DPF3: variants seen among roughly 807,000 people sequenced by gnomAD.
The protein encoded by DPF3 is zinc finger protein DPF3.
In DPF3, 18 loss-of-function variants were observed where a neutral mutation model predicts 56.8. The observed-to-expected ratio is 0.32, with a 90% CI of 0.22 to 0.47. DPF3 has a LOEUF of 0.47. DPF3 is among the 20% of genes least tolerant of loss of function. DPF3 has a pLI of 1.00. For missense variants in DPF3, 403 were observed against 488.8 expected (o/e 0.82, Z 1.65); for synonymous variants, 188 against 180.2 (o/e 1.04, Z -0.35).
chr14:72,731,019 A>C (rs1281582862), intron 4 of DPF3, among the ~76,000 whole-genome samples: 3 of 151,908 alleles, frequency 2.0e-5, no homozygotes, highest in Non-Finnish European at 4.4e-5. Flanking sequence ...AATACAAAAA[A>C]CAGCCAGATG....
At chr14:72,678,406 T>C (rs945068168) in intron 7 of DPF3, among the ~76,000 whole-genome samples, 1 of 152,252 alleles carries the variant, frequency 6.6e-6, no homozygotes, top group Non-Finnish European at 1.5e-5. Context: ...TGAACTTAAA[T>C]TTAATGTCCC....
intron 8 of DPF3, chr14:72,661,112 T>C (rs1886194294): frequency 2.0e-6 from 2 of 985,168 alleles, no homozygotes; most frequent in Admixed American, 6.2e-5. Flanking sequence ...CCCTACATTA[T>C]GCAAACCTTT....
intron 2 of DPF3, among the ~76,000 whole-genome samples, chr14:72,770,114 TAAAAG>T (rs1308596484): frequency 1.3e-5 from 2 of 152,118 alleles, no homozygotes; most frequent in African/African-American, 2.4e-5. Context: ...CTAACATCAG[TAAAAG>T]AGGTAACCAG....
chr14:72,753,273 T>G lies in DPF3; in HGVS notation c.292A>C (p.Ile98Leu). Reference sequence around the variant, plus strand: ...TCCAGAGGGCACTGACCAGGTTTTATCTCCAGCAGCCGCAGTTTTGGATCT... The same window carrying G: ...TCCAGAGGGCACTGACCAGGTTTTAGCTCCAGCAGCCGCAGTTTTGGATCT... ...PEDPKLRLLE[I>L]KPEVELPLKK... The change falls in exon 3 of 11, where the codon ATA (isoleucine) becomes CTA (leucine). Residue 98 changes from isoleucine (I) to leucine (L), a missense_variant. Ile to Leu is a conservative substitution (Grantham distance 5, BLOSUM62 2). Coordinates refer to ENST00000556509, the MANE Select transcript of DPF3 (RefSeq NM_001280542.3). 6.2e-7 allele frequency: 1 copy of G among 1,613,620 alleles called. No homozygotes were observed. Among genetic ancestry groups the G allele is most frequent in the Non-Finnish European group, 8.5e-7 (1 of 1,179,784 alleles).
intron 8 of DPF3, among the ~76,000 whole-genome samples, chr14:72,637,395 T>C (rs1240903263): frequency 1.3e-5 from 2 of 152,230 alleles, no homozygotes; most frequent in East Asian, 3.8e-4. Flanking sequence ...AGAGTCATAG[T>C]AATGACCCCA....
chr14:72,696,050 G>A (rs1275747164), intron 6 of DPF3, among the ~76,000 whole-genome samples: 1 of 152,114 alleles, frequency 6.6e-6, no homozygotes, highest in African/African-American at 2.4e-5. Context: ...TAGCTTTTTA[G>A]ATAATCTGAA....
intron 1 of DPF3, among the ~76,000 whole-genome samples, chr14:72,820,806 G>A (rs1883497155): frequency 6.6e-6 from 1 of 151,778 alleles, no homozygotes; most frequent in Non-Finnish European, 1.5e-5. Flanking sequence ...ACCAGCCTGG[G>A]CAACATGATG....
intron 5 of DPF3, among the ~76,000 whole-genome samples, chr14:72,720,892 AAT>A (rs1567211285): frequency 6.6e-6 from 1 of 152,218 alleles, no homozygotes; most frequent in East Asian, 1.9e-4. Flanking sequence ...TTTTTAAAAA[AAT>A]AGATAGGTGC....
rs767776343 is a variant in DPF3, at chr14:72,674,367, G to C, written c.744C>G (p.Pro248=). 3.7e-6 allele frequency: 6 copies of C among 1,612,004 alleles called. 1 individual carries two copies. In the South Asian group the frequency reaches 5.5e-5, roughly 15 times the overall value. Residue 248 remains proline, a splice_region_variant and synonymous_variant, in exon 8 of 11, where the codon CCC becomes CCG. Coordinates refer to ENST00000556509, the MANE Select transcript of DPF3 (RefSeq NM_001280542.3). ...TGACTGTTCCATCCGGTCCTTTCTG[G>C]GCTGTGGGAACATTTAAAACATTCC... ...PPNHRNENHR[P]QKGPDGTVIP...
chr14:72,835,517 T>C (rs1884254191), intron 1 of DPF3, among the ~76,000 whole-genome samples: 1 of 152,168 alleles, frequency 6.6e-6, no homozygotes, highest in South Asian at 2.1e-4. Context: ...AATTCAATCA[T>C]CCTTTACAAA....
At chr14:72,662,710 G>C in intron 8 of DPF3, 1 of 990,028 alleles carries the variant, frequency 1.0e-6, no homozygotes, top group Non-Finnish European at 1.2e-6. Context: ...ACAGGAGGGG[G>C]CTGGGCAAGG....
intron 1 of DPF3, among the ~76,000 whole-genome samples, chr14:72,870,853 T>G (rs908521669): frequency 2.2e-4 from 34 of 152,276 alleles, no homozygotes; most frequent in African/African-American, 8.2e-4. Context: ...GGCAGGTGGA[T>G]GGCTTGAGGC....
chr14:72,847,169 C>A (rs1884793203), intron 1 of DPF3, among the ~76,000 whole-genome samples: 1 of 152,184 alleles, frequency 6.6e-6, no homozygotes, highest in Admixed American at 6.5e-5. Context: ...TTGAACACGT[C>A]TTTCCTTTAC....
chr14:72,675,854 G>A (rs916902461), intron 7 of DPF3: 1 of 152,222 alleles, frequency 6.6e-6, no homozygotes, highest in African/African-American at 2.4e-5. Context: ...TCTGTTCAGT[G>A]TAGGCTTGTC....
At chr14:72,727,888 G>A (rs868143789) in intron 4 of DPF3, among the ~76,000 whole-genome samples, 2 of 152,176 alleles carry the variant, frequency 1.3e-5, no homozygotes, top group Non-Finnish European at 1.5e-5. Context: ...ATAAAAACAC[G>A]TAAACTCATT....
intron 1 of DPF3, among the ~76,000 whole-genome samples, chr14:72,800,673 G>C (rs1456451945): frequency 6.6e-6 from 1 of 152,042 alleles, no homozygotes; most frequent in Non-Finnish European, 1.5e-5. Context: ...TGGATGAACG[G>C]ATGCATGGAT....
intron 1 of DPF3, among the ~76,000 whole-genome samples, chr14:72,826,544 C>T (rs12433603): frequency 0.012 from 1,890 of 152,126 alleles, 37 homozygotes; most frequent in African/African-American, 0.043. Flanking sequence ...CTCTTTTCAG[C>T]GAAAAGGAGA....
chr14:72,879,767 A>T, intron 1 of DPF3: 1 of 1,514,798 alleles, frequency 6.6e-7, no homozygotes, highest in East Asian at 2.5e-5. Flanking sequence ...CCTCAGACTA[A>T]CAAGTTCACA....
In DPF3 at chr14:72,617,597, C is replaced by A. The variant is rs145879335; in HGVS notation, c.*1700G>T. Among the ~76,000 whole-genome samples the A allele has an allele frequency of 3.8e-4, 58 of 152,316 alleles. No homozygotes were observed. The East Asian group carries it at 9.8e-3, about 26-fold the overall frequency. Reference sequence around the variant, plus strand: ...GCCACAGGCCCCTGCAGGAGAGTGACCCCCATCGCTTGCCACAGGTCACTC... The same window carrying A: ...GCCACAGGCCCCTGCAGGAGAGTGAACCCCATCGCTTGCCACAGGTCACTC... On this transcript the variant is annotated 3_prime_UTR_variant, in exon 11 of 11. Transcript: ENST00000556509.
Sources: allele counts gnomAD v4.1 joint callset (sites outside exome capture counted in the v4.1 genomes callset), GRCh38; gene constraint gnomAD v4.1.1; transcripts MANE v1.5; gene names NCBI Gene and HGNC (gene_info 2026-07-23, HGNC 2026-07-21).